OR3A2: variants seen among roughly 807,000 people sequenced by gnomAD.
The protein encoded by OR3A2 is olfactory receptor 3A2.
For missense variants in OR3A2, 318 were observed against 392.8 expected (o/e 0.81, Z 1.61); for synonymous variants, 126 against 159.3 (o/e 0.79, Z 1.57).
chr17:3,371,168 GCTC>G (rs2049613768), intron 2 of OR3A2, among the ~76,000 whole-genome samples: 2 of 151,932 alleles, frequency 1.3e-5, no homozygotes, highest in African/African-American at 2.4e-5. Context: ...AGGCAGAGGG[GCTC>G]CTCACTTCCC....
At chr17:3,297,442 A>AAGTATGACCGTAAGAG (rs1567546174) in intron 3 of OR3A2, among the ~76,000 whole-genome samples, 2 of 151,930 alleles carry the variant, frequency 1.3e-5, no homozygotes, top group African/African-American at 2.4e-5. Context: ...TTTATCTGGA[A>AAGTATGACCGTAAGAG]CATCCTCTAA....
At chr17:3,359,035 T>C (rs1220683496) in intron 2 of OR3A2, among the ~76,000 whole-genome samples, 2 of 151,772 alleles carry the variant, frequency 1.3e-5, no homozygotes. Flanking sequence ...TTGTGTAGTG[T>C]CCTTCTTTGT....
intron 3 of OR3A2, among the ~76,000 whole-genome samples, chr17:3,332,353 A>C (rs976749923): frequency 2.0e-5 from 3 of 152,196 alleles, no homozygotes; most frequent in African/African-American, 4.8e-5. Flanking sequence ...CTGTGCTAGC[A>C]ATCAGCGAGA....
chr17:3,310,251 G>C (rs8071097), intron 3 of OR3A2: 64,802 of 481,892 alleles, frequency 0.13, 6,925 homozygotes, highest in African/African-American at 0.41. Flanking sequence ...ACCTCATCCT[G>C]CTTCTGCCAC....
chr17:3,300,523 C>T (rs1224254650), intron 3 of OR3A2, among the ~76,000 whole-genome samples: 2 of 152,132 alleles, frequency 1.3e-5, no homozygotes, highest in Non-Finnish European at 2.9e-5. Flanking sequence ...CACACCACTG[C>T]ACTCCAACCT....
At chr17:3,349,448 A>G (rs1360518480) in intron 2 of OR3A2, among the ~76,000 whole-genome samples, 1 of 151,870 alleles carries the variant, frequency 6.6e-6, no homozygotes, top group Non-Finnish European at 1.5e-5. Flanking sequence ...CCATTACATA[A>G]TGGTAAAGGG....
At chr17:3,377,905 A>G (rs908152744) in intron 2 of OR3A2, among the ~76,000 whole-genome samples, 2 of 152,262 alleles carry the variant, frequency 1.3e-5, no homozygotes, top group South Asian at 2.1e-4. Context: ...AAAGTGAGAC[A>G]TATAACCACC....
At chr17:3,375,300 CTT>C (rs58991111) in intron 2 of OR3A2, among the ~76,000 whole-genome samples, 1 of 66,548 alleles carries the variant, frequency 1.5e-5, no homozygotes, top group Non-Finnish European at 2.8e-5. Flanking sequence ...AGATTTCTTC[CTT>C]TTTTTTTTTT....
At chr17:3,335,043 T>C (rs1005024060) in intron 3 of OR3A2, among the ~76,000 whole-genome samples, 1 of 152,186 alleles carries the variant, frequency 6.6e-6, no homozygotes, top group Admixed American at 6.5e-5. Context: ...GAGGCAAAAG[T>C]ATAACTTTAC....
intron 3 of OR3A2, among the ~76,000 whole-genome samples, chr17:3,309,406 G>A (rs559156708): frequency 3.8e-4 from 58 of 152,224 alleles, no homozygotes; most frequent in Non-Finnish European, 6.9e-4. Context: ...TGGAGGCATG[G>A]GGAATTCAGG....
At chr17:3,381,925 G>C (rs959044353) in intron 2 of OR3A2, among the ~76,000 whole-genome samples, 16 of 152,102 alleles carry the variant, frequency 1.1e-4, no homozygotes, top group African/African-American at 3.4e-4. Context: ...TCATCTAGCA[G>C]GGAAGATCAG....
chr17:3,306,651 CA>C (rs2049002330), intron 3 of OR3A2, among the ~76,000 whole-genome samples: 1 of 142,958 alleles, frequency 7.0e-6, no homozygotes, highest in Non-Finnish European at 1.5e-5. Flanking sequence ...AGGGAGAGTG[CA>C]GGGGATCACT....
intron 2 of OR3A2, among the ~76,000 whole-genome samples, chr17:3,355,455 TC>T (rs1441752249): frequency 6.7e-5 from 8 of 119,860 alleles, no homozygotes; most frequent in African/African-American, 2.7e-4. Context: ...TCTCTCTCTC[TC>T]TCTCTTTAGC....
chr17:3,310,459 C>T (rs137875208), intron 3 of OR3A2: 14 of 535,512 alleles, frequency 2.6e-5, no homozygotes, highest in South Asian at 8.3e-5. Context: ...AGCATCCTGG[C>T]GGCCATCCTT....
intron 2 of OR3A2, among the ~76,000 whole-genome samples, chr17:3,363,863 A>C (rs543020727): frequency 6.6e-6 from 1 of 152,338 alleles, no homozygotes; most frequent in Non-Finnish European, 1.5e-5. Flanking sequence ...ACATGGTGGC[A>C]GGAGAAAGAG....
intron 3 of OR3A2, among the ~76,000 whole-genome samples, chr17:3,315,833 T>A (rs1401050661): frequency 6.6e-6 from 1 of 150,786 alleles, no homozygotes; most frequent in Non-Finnish European, 1.5e-5. Flanking sequence ...TGTCCCGTCA[T>A]CCTCACCTTT....
At chr17:3,304,004 A>C (rs2048984808) in intron 3 of OR3A2, among the ~76,000 whole-genome samples, 1 of 148,190 alleles carries the variant, frequency 6.7e-6, no homozygotes, top group East Asian at 1.9e-4. Flanking sequence ...TAATATATAT[A>C]TATATATATG....
At chr17:3,278,714 G>C (rs914866217) in exon 2 of OR3A2, 4 of 1,330,592 alleles carry the variant, frequency 3.0e-6, no homozygotes, top group African/African-American at 3.0e-5. Flanking sequence ...GCACTGACAG[G>C]TTCCCCAGGA....
In OR3A2 at chr17:3,311,286, C is replaced by T. The variant is rs1483969026; in HGVS notation, c.-85+24747G>A. On this transcript the variant is annotated intron_variant, in intron 3 of 4. Transcript: ENST00000573491. The surrounding 1 kb of genome is among the most constrained non-coding windows in gnomAD (Gnocchi z 4.6). ...AGTGCAGAGTTCCCTATGCTGCCTG[C>T]AGTTCACAGCTCTTCTTTCCCCACC... 1.9e-6 allele frequency: 1 copy of T among 535,228 alleles called. No homozygotes were observed. Among genetic ancestry groups the T allele is most frequent in the South Asian group, 1.4e-5 (1 of 71,602 alleles). The allele number at this position is 535,228 out of a possible 1,614,324, so 33.2% of individuals were successfully genotyped here. A position where few individuals can be genotyped will look rare whatever the true frequency, so the allele number is the denominator to read the frequency against.
Sources: gnomAD v4.1 joint callset for allele counts (sites outside exome capture counted in the v4.1 genomes callset) on GRCh38, gnomAD v4.1.1 for gene constraint, Gnocchi (gnomAD v3.1) non-coding constraint, MANE v1.5 for transcripts, NCBI Gene and HGNC (gene_info 2026-07-23, HGNC 2026-07-21) for gene names.